The following HJV variants were observed in gnomAD, a reference collection of about 807,000 sequenced individuals.
HJV encodes the protein hemojuvelin BMP co-receptor.
In HJV, 18 loss-of-function variants were observed where a neutral mutation model predicts 22.7. The ratio of observed to expected loss-of-function variants is 0.79; its 90% CI spans 0.55 to 1.18. The LOEUF (loss-of-function observed/expected upper bound fraction) is 1.18. Among genes scored for constraint, HJV ranks in the 50% most tolerant of loss-of-function variants. The pLI, the probability that HJV is intolerant of heterozygous loss-of-function variation, is 0.00. For synonymous variants in HJV, 229 were observed against 222.7 expected, an observed-to-expected ratio of 1.03 and a Z score of -0.25; for missense variants, 572 against 553.0, an observed-to-expected ratio of 1.03 and a Z score of -0.34.
Position 146,019,376 on chromosome 1 carries a change from G to T in HJV, c.456C>A (p.Gly152=), listed in dbSNP as rs955582609. The change falls in exon 3 of 4, where the codon GGC becomes GGA. Residue 152 remains glycine, a synonymous_variant. Coordinates refer to ENST00000336751, the MANE Select transcript of HJV (RefSeq NM_213653.4). ...LPAPDPCDYE[G]RFSRLHGRPP... ...GACGACCATGCAGCCGGGAAAACCG[G>T]CCTTCATAGTCACAAGGGTCCGGGG... is the stretch of plus-strand genomic sequence containing the variant. The T allele has an allele frequency of 3.7e-6, 6 of 1,613,776 alleles. No individual in the cohort carries two copies. The highest frequency in any genetic ancestry group is 4.2e-6 in the Non-Finnish European group (5 of 1,180,014).
In HJV at chr1:146,020,206, C is replaced by G. The variant is rs782420808; in HGVS notation, c.26G>C (p.Ser9Thr). MGEPGQSPSPRSSHGSPPT... is the reference protein window; with the variant it reads MGEPGQSPTPRSSHGSPPT... ...GGGACTGCCATGGGAGGACCTGGGA[C>G]TAGGGGACTGGCCTGGCTCCCCCAT... Residue 9 changes from serine to threonine, a missense_variant, in exon 2 of 4, where the codon AGT (serine) becomes ACT (threonine). Coordinates refer to ENST00000336751, the MANE Select transcript of HJV (RefSeq NM_213653.4). The G allele has an allele frequency of 6.2e-7, 1 of 1,613,328 alleles. No homozygotes were observed. The highest frequency in any genetic ancestry group is 8.5e-7 in the Non-Finnish European group (1 of 1,179,310).
In HJV at chr1:146,019,669, C is replaced by G; in HGVS notation, c.163G>C (p.Gly55Arg). 1 of 1,614,102 alleles carries G rather than the reference C, an allele frequency of 6.2e-7. No individual in the cohort carries two copies. The highest frequency in any genetic ancestry group is 1.7e-5 in the Admixed American group (1 of 60,024). Reference sequence around the variant, plus strand: ...CGAAGTGCTCCTGATGAACCCCCACCTCTAAGGCTCAGAGTGGACGATACG... The same window carrying G: ...CGAAGTGCTCCTGATGAACCCCCACGTCTAAGGCTCAGAGTGGACGATACG... Reference protein sequence around the residue: ...EYVSSTLSLRGGGSSGALRGG... With the variant: ...EYVSSTLSLRRGGSSGALRGG... The change falls in exon 3 of 4, where the codon GGT (glycine) becomes CGT (arginine). Residue 55 changes from glycine (G) to arginine (R), a missense_variant. Transcript: ENST00000336751.
At position 146,020,287 on chromosome 1, in the gene HJV, C is replaced by T. The variant is rs1553769936; in HGVS notation, c.-56G>A. The T allele has an allele frequency of 1.8e-6, 2 of 1,140,020 alleles. No individual in the cohort carries two copies. The highest frequency in any genetic ancestry group is 2.7e-6 in the Non-Finnish European group (2 of 747,430). 70.6% of individuals were successfully genotyped at this position (1,140,020 alleles called of 1,614,324 possible). The stretch of plus-strand genomic sequence containing the variant: ...TTCTTCCCAGCTGATGACCCTCCTA[C>T]CTAGTGAATTTTGACCGGAAGCCCT... On this transcript the variant is annotated 5_prime_UTR_variant, in exon 2 of 4. Transcript: ENST00000336751.
rs1652496322 is a variant in HJV at position 146,018,594 on chromosome 1, C to T, written c.764G>A (p.Gly255Asp). ...VAFEDGSING[G>D]DRPGGSSLSI... ...CAAACTGGATCCCCCAGGTCGGTCACCTCCATTGATAGAACCATCTTCAAA... is the reference window on the plus strand; with the variant it reads ...CAAACTGGATCCCCCAGGTCGGTCATCTCCATTGATAGAACCATCTTCAAA... The change falls in exon 4 of 4, where the codon GGT becomes GAT. Residue 255 changes from glycine (G) to aspartate (D), a missense_variant. Coordinates refer to ENST00000336751, the MANE Select transcript of HJV (RefSeq NM_213653.4). The T allele has an allele frequency of 1.2e-6, 2 of 1,614,214 alleles. No individual in the cohort carries two copies. Among genetic ancestry groups the T allele is most frequent in the Non-Finnish European group, 8.5e-7 (1 of 1,180,032 alleles).
chr1:146,020,840 G>A (rs1234629779), intron 1 of HJV, among the ~76,000 whole-genome samples: 2 of 152,176 alleles, frequency 1.3e-5, no homozygotes, highest in African/African-American at 4.8e-5. Context: ...GTATTCAAAT[G>A]AAAAGGAAAC....
At position 146,020,137 on chromosome 1, in the gene HJV, T is replaced by A; in HGVS notation, c.95A>T (p.His32Leu). 6.2e-7 allele frequency: 1 copy of A among 1,602,514 alleles called. No individual in the cohort carries two copies. Among genetic ancestry groups the A allele is most frequent in the Non-Finnish European group, 8.6e-7 (1 of 1,169,466 alleles). Residue 32 changes from histidine to leucine, a missense_variant and splice_region_variant, in exon 2 of 4, where the codon CAT (histidine) becomes CTT (leucine). His to Leu is a moderately conservative substitution (Grantham distance 99). Coordinates refer to ENST00000336751, the MANE Select transcript of HJV (RefSeq NM_213653.4). ...ACCCTTCCCTGGCCCTTCCTTACCA[T>A]GTCCACAGAGGAGCAGCAGGAGAGT... ...TLTLLLLLCGHAHSQCKILRC... is the reference protein window; with the variant it reads ...TLTLLLLLCGLAHSQCKILRC...
chr1:146,020,018 C>T (rs1480718089), intron 2 of HJV, 117 bp downstream of exon 2: 6 of 852,300 alleles, frequency 7.0e-6, no homozygotes, highest in Admixed American at 1.9e-5. Flanking sequence ...GAGAGCAGGG[C>T]GAGTGATCGG....
rs782576152 is a variant in HJV at position 146,019,050 on chromosome 1, TGGG to T, written c.657+122_657+124del. Reference sequence around the variant, plus strand: ...TTTGGTAGAAGGGAGTGATTCGAGATGGGGGAGAGGTTGAGGAAGAAAAGGGAA... The same window carrying T: ...TTTGGTAGAAGGGAGTGATTCGAGATGGAGAGGTTGAGGAAGAAAAGGGAA... On this transcript the variant is annotated intron_variant, in intron 3 of 3. Coordinates refer to ENST00000336751, the MANE Select transcript of HJV (RefSeq NM_213653.4). 1.7e-5 allele frequency: 15 copies of T among 875,602 alleles called. No homozygotes were observed. The East Asian group carries it at 3.4e-4, about 20-fold the overall frequency. 54.2% of individuals were successfully genotyped at this position (875,602 alleles called of 1,614,324 possible).
chr1:146,019,588 C>T lies in HJV; in HGVS notation c.244G>A (p.Ala82Thr). 1.2e-6 allele frequency: 2 copies of T among 1,613,586 alleles called. No homozygotes were observed. The highest frequency in any genetic ancestry group is 1.7e-6 in the Non-Finnish European group (2 of 1,180,010). The change falls in exon 3 of 4, where the codon GCC becomes ACC. Residue 82 changes from alanine (A) to threonine (T), a missense_variant. By Grantham distance (58) the Ala-to-Thr change is moderately conservative. Transcript: ENST00000336751. ...GTGCAGAGCGCATAGGAGCGGAGGG[C>T]TCGACAGAGGCCGCCAGAGCCCACC... ...GGVGSGGLCR[A>T]LRSYALCTRR...
At chr1:146,020,112 A>G in intron 2 of HJV, 23 bp downstream of exon 2, 2 of 1,536,426 alleles carry the variant, frequency 1.3e-6, no homozygotes, top group Non-Finnish European at 1.8e-6. Flanking sequence ...ATTTCCCCAA[A>G]CCCTTCCCTG....
intron 3 of HJV, among the ~76,000 whole-genome samples, 170 bp downstream of exon 3, chr1:146,019,005 G>A (rs1652528573): frequency 6.6e-6 from 1 of 152,232 alleles, no homozygotes; most frequent in South Asian, 2.1e-4. Flanking sequence ...TCAAGGGGAA[G>A]TGATTTACAG....
rs782025333 is a variant in HJV at position 146,020,223 on chromosome 1, CT to C, written c.8del (p.Glu3GlyfsTer18). On this transcript the variant is annotated frameshift_variant, in exon 2 of 4. Coordinates refer to ENST00000336751, the MANE Select transcript of HJV (RefSeq NM_213653.4). LOFTEE classifies it high-confidence loss of function. MG[E>X]PGQSPSPRSS... ...ACCTGGGACTAGGGGACTGGCCTGG[CT>C]CCCCCATACCTATCCAGCCAGGTTT... The C allele has an allele frequency of 1.2e-6, 2 of 1,609,882 alleles. No homozygotes were observed. Among genetic ancestry groups the C allele is most frequent in the South Asian group, 2.2e-5 (2 of 91,018 alleles).
chr1:146,019,583 G>C lies in HJV; in HGVS notation c.249C>G (p.Leu83=). ...GCCGAGTGCAGAGCGCATAGGAGCG[G>C]AGGGCTCGACAGAGGCCGCCAGAGC... The part of the protein sequence containing the change: ...GVGSGGLCRA[L]RSYALCTRRT... The change falls in exon 3 of 4, where the codon CTC becomes CTG. Residue 83 remains leucine, a synonymous_variant. Transcript: ENST00000336751. 1 of 1,613,610 alleles carries C rather than the reference G, an allele frequency of 6.2e-7. No homozygotes were observed. Among genetic ancestry groups the C allele is most frequent in the East Asian group, 2.2e-5 (1 of 44,876 alleles).
In HJV at chr1:146,019,747, G is replaced by A. The variant is rs1553769808; in HGVS notation, c.98-13C>T. The A allele has an allele frequency of 6.2e-7, 1 of 1,613,900 alleles. No homozygotes were observed. The highest frequency in any genetic ancestry group is 2.2e-5 in the East Asian group (1 of 44,872). ...CATTGAGAATGAGCTAAAGACAGAAGGGAGAGGATTGTGAGACGGTCCTCA... is the reference window on the plus strand; with the variant it reads ...CATTGAGAATGAGCTAAAGACAGAAAGGAGAGGATTGTGAGACGGTCCTCA... On this transcript the variant is annotated splice_polypyrimidine_tract_variant and intron_variant, in intron 2 of 3. Transcript: ENST00000336751.
rs1391142768 is a variant in HJV, at chr1:146,017,652, C to G, written c.*425G>C. On this transcript the variant is annotated 3_prime_UTR_variant, in exon 4 of 4. Transcript: ENST00000336751. ...TACACACACATATTCATCAAATAGA[C>G]TTCTTTCCCTAATTATGTCTTCCTC... 4.4e-6 allele frequency: 1 copy of G among 228,086 alleles called. No homozygotes were observed. Among genetic ancestry groups the G allele is most frequent in the Non-Finnish European group, 9.5e-6 (1 of 105,296 alleles). 14.1% of individuals were successfully genotyped at this position (228,086 alleles called of 1,614,324 possible).
rs782640322 is a variant in HJV, at chr1:146,018,338, A to G, written c.1020T>C (p.Ile340=). The G allele has an allele frequency of 1.2e-6, 2 of 1,614,060 alleles. No individual in the cohort carries two copies. The highest frequency in any genetic ancestry group is 1.1e-5 in the South Asian group (1 of 91,090). ...CCTTGCACAGCCGTCTGGCAGTATC[A>G]ATGGTTATAGCTCCCCGACGATTGC... is the stretch of plus-strand genomic sequence containing the variant. ...SERNRRGAIT[I]DTARRLCKEG... is the part of the protein sequence containing the mutation. The change falls in exon 4 of 4, where the codon ATT becomes ATC. Residue 340 remains isoleucine (I), a synonymous_variant. Transcript: ENST00000336751.
In HJV at chr1:146,020,280, C is replaced by T; in HGVS notation, c.-49G>A. 1 of 1,191,732 alleles carries T rather than the reference C, an allele frequency of 8.4e-7. No individual in the cohort carries two copies. The highest frequency in any genetic ancestry group is 1.3e-6 in the Non-Finnish European group (1 of 794,658). 73.8% of individuals were successfully genotyped at this position (1,191,732 alleles called of 1,614,324 possible). A position where few individuals can be genotyped will look rare whatever the true frequency, so the allele number is the denominator to read the frequency against. ...GCGCCGGTTCTTCCCAGCTGATGAC[C>T]CTCCTACCTAGTGAATTTTGACCGG... On this transcript the variant is annotated 5_prime_UTR_variant, in exon 2 of 4. Transcript: ENST00000336751.
rs782176508 is a variant in HJV, at chr1:146,018,324, C to A, written c.1034G>T (p.Arg345Leu). 1 of 1,614,160 alleles carries A rather than the reference C, an allele frequency of 6.2e-7. No homozygotes were observed. The highest frequency in any genetic ancestry group is 2.2e-5 in the East Asian group (1 of 44,880). Residue 345 changes from arginine to leucine, a missense_variant, in exon 4 of 4, where the codon CGG becomes CTG. Transcript: ENST00000336751. ...RGAITIDTAR[R>L]LCKEGLPVED... The stretch of plus-strand genomic sequence containing the variant: ...CACTGGAAGCCCTTCCTTGCACAGC[C>A]GTCTGGCAGTATCAATGGTTATAGC...
In HJV at chr1:146,020,254, G is replaced by A. The variant is rs143069231; in HGVS notation, c.-23C>T. On this transcript the variant is annotated 5_prime_UTR_variant, in exon 2 of 4. Transcript: ENST00000336751. ...CATACCTATCCAGCCAGGTTTCCCA[G>A]GCGCCGGTTCTTCCCAGCTGATGAC... The A allele has an allele frequency of 8.6e-6, 13 of 1,512,084 alleles. No homozygotes were observed. The East Asian group carries it at 2.5e-4, about 29-fold the overall frequency. The allele number at this position is 1,512,084 out of a possible 1,614,324, so 93.7% of individuals were successfully genotyped here.
Sources: gnomAD v4.1 joint callset for allele counts (sites outside exome capture counted in the v4.1 genomes callset) on GRCh38, gnomAD v4.1.1 for gene constraint, MANE v1.5 for transcripts, NCBI Gene and HGNC (gene_info 2026-07-23, HGNC 2026-07-21) for gene names.